GADL1: variants seen among roughly 807,000 people sequenced by gnomAD.
GADL1 encodes GAD like acidic amino acid decarboxylase 1, also known as acidic amino acid decarboxylase GADL1.
Under a neutral mutation model 69.5 loss-of-function variants are expected in GADL1, and 71 were observed. The ratio of observed to expected loss-of-function variants is 1.02; its 90% confidence interval spans 0.84 to 1.25. The LOEUF (loss-of-function observed/expected upper bound fraction) is 1.25. GADL1 is among the 50% of genes most tolerant of loss of function. The pLI, the probability that GADL1 is intolerant of heterozygous loss-of-function variation, is 0.00. For synonymous variants in GADL1, 254 were observed against 214.4 expected (o/e 1.18, Z -1.62); for missense variants, 737 against 631.8 (o/e 1.17, Z -1.79).
At chr3:30,796,722 C>A (rs758490076) in intron 12 of GADL1, among the ~76,000 whole-genome samples, 7 of 152,164 alleles carry the variant, frequency 4.6e-5, no homozygotes, top group African/African-American at 1.4e-4. Context: ...ACTGTTGAAG[C>A]ACCTAGACCA....
intron 14 of GADL1, among the ~76,000 whole-genome samples, chr3:30,769,844 A>G (rs1346400160): frequency 9.5e-6 from 1 of 105,578 alleles, no homozygotes; most frequent in African/African-American, 4.5e-5. Flanking sequence ...CAATCCCAGA[A>G]CTGCTGCCAT....
intron 2 of GADL1, among the ~76,000 whole-genome samples, chr3:30,858,110 C>T (rs1698257401): frequency 6.6e-6 from 1 of 152,010 alleles, no homozygotes; most frequent in African/African-American, 2.4e-5. Flanking sequence ...TATACTGTTA[C>T]TTATTGTATC....
intron 6 of GADL1, among the ~76,000 whole-genome samples, chr3:30,846,508 T>C (rs1249816731): frequency 6.6e-6 from 1 of 151,778 alleles, no homozygotes; most frequent in Non-Finnish European, 1.5e-5. Context: ...TGGACTCCAG[T>C]GCTGACTAAT....
chr3:30,781,241 T>C (rs1342456727), intron 13 of GADL1, among the ~76,000 whole-genome samples: 2 of 152,138 alleles, frequency 1.3e-5, no homozygotes, highest in Non-Finnish European at 2.9e-5. Flanking sequence ...TATACCGGTT[T>C]TCAAACAAAA....
intron 9 of GADL1, among the ~76,000 whole-genome samples, chr3:30,835,259 T>C (rs1439562838): frequency 6.6e-6 from 1 of 152,016 alleles, no homozygotes; most frequent in Non-Finnish European, 1.5e-5. Context: ...CTGGGGAGTA[T>C]AGCATGTAGA....
chr3:30,779,641 C>T (rs1462395125), intron 13 of GADL1, among the ~76,000 whole-genome samples: 3 of 152,252 alleles, frequency 2.0e-5, no homozygotes, highest in Non-Finnish European at 2.9e-5. Context: ...GTACTGAACT[C>T]CCAAATTCTT....
At chr3:30,750,875 T>C (rs1304420638) in intron 14 of GADL1, among the ~76,000 whole-genome samples, 1 of 152,190 alleles carries the variant, frequency 6.6e-6, no homozygotes, top group Non-Finnish European at 1.5e-5. Context: ...TGGTGGATCC[T>C]ATAATAAAGC....
intron 1 of GADL1, among the ~76,000 whole-genome samples, chr3:30,871,711 A>G (rs532879548): frequency 7.9e-5 from 12 of 151,776 alleles, no homozygotes; most frequent in Non-Finnish European, 1.6e-4. Context: ...TACCACTCAG[A>G]TAATTCTGAT....
At chr3:30,862,151 G>T (rs184820272) in intron 1 of GADL1, among the ~76,000 whole-genome samples, 2 of 151,970 alleles carry the variant, frequency 1.3e-5, no homozygotes. Flanking sequence ...TCCATAATTA[G>T]AATGCTGATT....
intron 14 of GADL1, among the ~76,000 whole-genome samples, chr3:30,756,856 G>A (rs1236390169): frequency 2.0e-5 from 3 of 151,194 alleles, no homozygotes; most frequent in Non-Finnish European, 4.4e-5. Flanking sequence ...GATTCATTAG[G>A]AAAGATAGGC....
chr3:30,778,157 A>G (rs1215538882), intron 14 of GADL1, 22 bp downstream of exon 14: 9 of 1,360,004 alleles, frequency 6.6e-6, no homozygotes, highest in Non-Finnish European at 8.4e-6. Flanking sequence ...AAAAAGAAAA[A>G]TACCATTTAC....
At chr3:30,854,826 A>AT (rs1209525715) in intron 3 of GADL1, 37 bp from the exon 4 acceptor site, 3 of 1,107,746 alleles carry the variant, frequency 2.7e-6, no homozygotes, top group East Asian at 2.6e-5. Flanking sequence ...CTATGCAGCA[A>AT]TAAAAAAAAA....
intron 1 of GADL1, among the ~76,000 whole-genome samples, chr3:30,881,957 C>A (rs1698648491): frequency 6.6e-6 from 1 of 151,844 alleles, no homozygotes. Flanking sequence ...GAAGGCTTGC[C>A]AGATGTTGAC....
intron 14 of GADL1, among the ~76,000 whole-genome samples, chr3:30,762,032 G>T (rs541340773): frequency 2.6e-5 from 4 of 152,298 alleles, no homozygotes; most frequent in African/African-American, 9.6e-5. Context: ...GCAATGTGAC[G>T]TGGGTAGGTG....
intron 1 of GADL1, among the ~76,000 whole-genome samples, chr3:30,874,213 G>C (rs775003436): frequency 2.0e-5 from 3 of 151,820 alleles, no homozygotes; most frequent in South Asian, 2.1e-4. Flanking sequence ...TATAAAATTG[G>C]AGCAAATGTC....
intron 11 of GADL1, among the ~76,000 whole-genome samples, chr3:30,830,364 T>C (rs1697767464): frequency 6.6e-6 from 1 of 152,024 alleles, no homozygotes; most frequent in African/African-American, 2.4e-5. Context: ...CAAAAAATTT[T>C]GGTTAAATAA....
chr3:30,832,206 TA>T (rs200353606), intron 11 of GADL1, among the ~76,000 whole-genome samples: 12 of 148,672 alleles, frequency 8.1e-5, no homozygotes, highest in East Asian at 3.9e-4. Context: ...GTCTTTTCAT[TA>T]AAAAAAAAAT....
At chr3:30,834,337 A>G (rs374821877) in intron 9 of GADL1, 56 bp from the exon 10 acceptor site, 17 of 1,461,458 alleles carry the variant, frequency 1.2e-5, no homozygotes, top group Non-Finnish European at 1.6e-5. Context: ...TTTGTTTACC[A>G]GTGGGTTGTC....
At chr3:30,778,982 C>T (rs1211951564) in intron 13 of GADL1, 10 of 152,232 alleles carry the variant, frequency 6.6e-5, no homozygotes, top group Non-Finnish European at 1.2e-4. Flanking sequence ...GATTCTGAAG[C>T]GGGCAGTTTA....
Sources: allele counts gnomAD v4.1 joint callset (sites outside exome capture counted in the v4.1 genomes callset), GRCh38; gene constraint gnomAD v4.1.1; transcripts MANE v1.5; gene names NCBI Gene and HGNC (gene_info 2026-07-23, HGNC 2026-07-21).